BNC2: variants seen among roughly 807,000 people sequenced by gnomAD.
BNC2 encodes the protein zinc finger protein basonuclin-2.
BNC2 carries 20 observed loss-of-function variants against 76.3 expected under a neutral mutation model. The ratio of observed to expected loss-of-function variants is 0.26; its 90% CI spans 0.18 to 0.38. The LOEUF (loss-of-function observed/expected upper bound fraction) is 0.38, where lower values mean the gene tolerates loss of function less well. BNC2 is among the 10% of genes least tolerant of loss of function. The pLI is 1.00. For missense variants in BNC2, 1,382 were observed against 1,399.8 expected (o/e 0.99, Z 0.20); for synonymous variants, 582 against 514.8 (o/e 1.13, Z -1.77).
intron 5 of BNC2, among the ~76,000 whole-genome samples, chr9:16,459,377 A>C (rs1821524900): frequency 6.6e-6 from 1 of 152,206 alleles, no homozygotes; most frequent in African/African-American, 2.4e-5. Flanking sequence ...TCTTAGGGTC[A>C]CAGGTGTTGC....
chr9:16,506,511 CTCTT>C (rs1822629359), intron 5 of BNC2, among the ~76,000 whole-genome samples: 3 of 81,428 alleles, frequency 3.7e-5, no homozygotes, highest in African/African-American at 1.7e-4. Flanking sequence ...TCTCTCTCTC[CTCTT>C]TTTTTTTTTT....
chr9:16,619,914 C>A (rs187117870), intron 3 of BNC2, among the ~76,000 whole-genome samples: 1 of 152,114 alleles, frequency 6.6e-6, no homozygotes, highest in Admixed American at 6.5e-5. Context: ...GGCCTCCCAA[C>A]GGTAGAATCA....
At chr9:16,536,951 C>T (rs1818148437) in intron 5 of BNC2, among the ~76,000 whole-genome samples, 1 of 152,040 alleles carries the variant, frequency 6.6e-6, no homozygotes, top group African/African-American at 2.4e-5. Flanking sequence ...TAGTATATTA[C>T]TTTTATCAAA....
intron 1 of BNC2, among the ~76,000 whole-genome samples, chr9:16,768,822 T>C (rs549882904): frequency 9.2e-5 from 14 of 152,284 alleles, no homozygotes; most frequent in African/African-American, 3.1e-4. Context: ...CTTGAAATAA[T>C]GGAGACTAGA....
chr9:16,847,205 T>C (rs932221293), intron 1 of BNC2, among the ~76,000 whole-genome samples: 15 of 152,070 alleles, frequency 9.9e-5, no homozygotes, highest in African/African-American at 4.8e-5. Flanking sequence ...GGCATACATG[T>C]TTCAACACAC....
intron 5 of BNC2, among the ~76,000 whole-genome samples, chr9:16,507,775 T>TAATAA (rs1822663835): frequency 6.6e-6 from 1 of 152,100 alleles, no homozygotes. Flanking sequence ...ATATAGTAGG[T>TAATAA]CCATAATAAA....
At chr9:16,525,954 A>G (rs1038964820) in intron 5 of BNC2, among the ~76,000 whole-genome samples, 1 of 152,130 alleles carries the variant, frequency 6.6e-6, no homozygotes, top group African/African-American at 2.4e-5. Context: ...TTGATACAGC[A>G]CAATCAAGAG....
chr9:16,560,271 A>G (rs7029578), intron 4 of BNC2, among the ~76,000 whole-genome samples: 12,447 of 152,284 alleles, frequency 0.082, 1,109 homozygotes, highest in African/African-American at 0.21. Context: ...AGAATGTAAC[A>G]CTTGCAGCAA....
chr9:16,735,058 G>A lies in BNC2; in HGVS notation c.129+3302C>T, dbSNP rs908635788. On this transcript the variant is annotated intron_variant, in intron 2 of 6. Coordinates refer to ENST00000380672, the MANE Select transcript of BNC2 (RefSeq NM_017637.6). ...AAACACATCAAGGAAATATCCAAAAGCCATAATCCCTTGATGCACTACAAA... is the reference window on the plus strand; with the variant it reads ...AAACACATCAAGGAAATATCCAAAAACCATAATCCCTTGATGCACTACAAA... Among the ~76,000 whole-genome samples, 4 of 152,256 alleles carry A rather than the reference G, an allele frequency of 2.6e-5. No homozygotes were observed. In the East Asian group the frequency reaches 7.7e-4, roughly 29 times the overall value.
rs1823688273 is a variant in BNC2 at position 16,706,827 on chromosome 9, AAAGGTTACCAAAACCTATGTGAAAC to A, written c.330+20945_330+20969del. Among the ~76,000 whole-genome samples, 3 of 152,232 alleles carry A rather than the reference AAAGGTTACCAAAACCTATGTGAAAC, an allele frequency of 2.0e-5. No homozygotes were observed. The South Asian group carries it at 6.2e-4, about 31-fold the overall frequency. ...GGGAGAATCAATCCAACTCAGAAGC[AAAGGTTACCAAAACCTATGTGAAAC>A]ACTTCCATTTCAAATTGCAAATGCT... On this transcript the variant is annotated intron_variant, in intron 3 of 6. Coordinates refer to ENST00000380672, the MANE Select transcript of BNC2 (RefSeq NM_017637.6).
Position 16,663,344 on chromosome 9 carries a change from C to T in BNC2, c.330+64453G>A, listed in dbSNP as rs1822170236. ...GACAGGGTTTCACCATCTTGGGGCTCGTCTCAAACTCCTAACCTCATGATC... is the reference window on the plus strand; with the variant it reads ...GACAGGGTTTCACCATCTTGGGGCTTGTCTCAAACTCCTAACCTCATGATC... On this transcript the variant is annotated intron_variant, in intron 3 of 6. Transcript: ENST00000380672. Among the ~76,000 whole-genome samples, 3 of 151,756 alleles carry T rather than the reference C, an allele frequency of 2.0e-5. No individual in the cohort carries two copies. The South Asian group carries it at 6.2e-4, about 32-fold the overall frequency.
intron 1 of BNC2, chr9:16,775,722 T>A: frequency 4.5e-6 from 1 of 222,294 alleles, no homozygotes; most frequent in South Asian, 9.1e-5. Context: ...TGGAGGGGTG[T>A]GTCATTCTCA....
intron 1 of BNC2, among the ~76,000 whole-genome samples, chr9:16,845,227 C>T (rs1163998721): frequency 1.3e-5 from 2 of 152,120 alleles, no homozygotes; most frequent in African/African-American, 4.8e-5. Flanking sequence ...CCAAACATAC[C>T]TGCATTAATT....
intron 5 of BNC2, among the ~76,000 whole-genome samples, chr9:16,515,796 T>C (rs1487234191): frequency 1.3e-5 from 2 of 151,330 alleles, no homozygotes; most frequent in Non-Finnish European, 2.9e-5. Context: ...CATATGACTT[T>C]CAATTCCATG....
chr9:16,755,618 G>A (rs975932673), intron 1 of BNC2, among the ~76,000 whole-genome samples: 3 of 151,884 alleles, frequency 2.0e-5, no homozygotes, highest in African/African-American at 4.8e-5. Context: ...ACCTGTTGAC[G>A]GCTAGTAAAT....
In BNC2 at chr9:16,515,767, G is replaced by C. The variant is rs147485827; in HGVS notation, c.669+36763C>G. Among the ~76,000 whole-genome samples the C allele has an allele frequency of 5.3e-4, 78 of 147,640 alleles. 1 individual carries two copies. In the East Asian group the frequency reaches 0.014, roughly 27 times the overall value. On this transcript the variant is annotated intron_variant, in intron 5 of 6. Coordinates refer to ENST00000380672, the MANE Select transcript of BNC2 (RefSeq NM_017637.6). ...ACCTCTGAAAAAAAAAATCAAGCTTGACATTCTCAAATCATAACCATATGA... is the reference window on the plus strand; with the variant it reads ...ACCTCTGAAAAAAAAAATCAAGCTTCACATTCTCAAATCATAACCATATGA...
At chr9:16,777,647 G>C (rs977820214) in intron 1 of BNC2, among the ~76,000 whole-genome samples, 6 of 151,024 alleles carry the variant, frequency 4.0e-5, no homozygotes, top group African/African-American at 1.5e-4. Context: ...CTTGCAGTGA[G>C]CGGAGATTGC....
intron 5 of BNC2, among the ~76,000 whole-genome samples, chr9:16,463,202 G>C (rs969018530): frequency 1.3e-5 from 2 of 151,936 alleles, no homozygotes; most frequent in African/African-American, 4.8e-5. Context: ...TTGAATGAGA[G>C]TGAATGACAG....
At chr9:16,758,232 G>C (rs767819592) in intron 1 of BNC2, among the ~76,000 whole-genome samples, 16 of 152,150 alleles carry the variant, frequency 1.1e-4, no homozygotes, top group South Asian at 4.1e-4. Flanking sequence ...GCTGGGAAAA[G>C]TTCTCAGCTT....
Sources: allele counts gnomAD v4.1 joint callset (sites outside exome capture counted in the v4.1 genomes callset), GRCh38; gene constraint gnomAD v4.1.1; transcripts MANE v1.5; gene names NCBI Gene and HGNC (gene_info 2026-07-23, HGNC 2026-07-21).